The following CAMK1D variants were observed in gnomAD, a reference collection of about 807,000 sequenced individuals.
CAMK1D encodes the protein calcium/calmodulin dependent protein kinase ID.
Under a neutral mutation model 47.7 loss-of-function variants are expected in CAMK1D, and 9 were observed. That is an observed-to-expected ratio of 0.19 (90% CI 0.11 to 0.33). The LOEUF is 0.33. Ranked by LOEUF, CAMK1D falls within the 10% of genes least tolerant of loss-of-function variation. CAMK1D has a pLI of 1.00. For missense variants in CAMK1D, 291 were observed against 488.7 expected, an observed-to-expected ratio of 0.60 and a Z score of 3.81; for synonymous variants, 184 against 184.9, an observed-to-expected ratio of 0.99 and a Z score of 0.04.
intron 2 of CAMK1D, among the ~76,000 whole-genome samples, chr10:12,648,837 T>A (rs1328826339): frequency 6.6e-6 from 1 of 152,174 alleles, no homozygotes; most frequent in East Asian, 1.9e-4. Context: ...GGGGCTAGTG[T>A]TCATCTGAAG....
chr10:12,605,650 CA>C (rs1443279188), intron 2 of CAMK1D, among the ~76,000 whole-genome samples: 1 of 152,106 alleles, frequency 6.6e-6, no homozygotes, highest in African/African-American at 2.4e-5. Flanking sequence ...CAGGAGTGAG[CA>C]GGTGACAGTT....
intron 1 of CAMK1D, among the ~76,000 whole-genome samples, chr10:12,429,894 T>TGGTTAGCATCCTTTGGACACATGGGCTG (rs1840383167): frequency 6.6e-6 from 1 of 152,070 alleles, no homozygotes; most frequent in African/African-American, 2.4e-5. Context: ...TTAATGTACT[T>TGGTTAGCATCCTTTGGACACATGGGCTG]GGTTAGCATC....
intron 1 of CAMK1D, among the ~76,000 whole-genome samples, chr10:12,548,919 G>T (rs1299773128): frequency 6.6e-6 from 1 of 151,216 alleles, no homozygotes; most frequent in Non-Finnish European, 1.5e-5. Context: ...GCATAGGCGC[G>T]ATCTCAGCTC....
intron 2 of CAMK1D, among the ~76,000 whole-genome samples, chr10:12,627,824 T>G (rs1297108521): frequency 1.3e-5 from 2 of 152,162 alleles, no homozygotes; most frequent in Non-Finnish European, 2.9e-5. Flanking sequence ...CTCACGCCTG[T>G]AGTCCGAAAT....
Position 12,392,617 on chromosome 10 carries a change from G to A in CAMK1D, c.92+42707G>A, listed in dbSNP as rs182761532. On this transcript the variant is annotated intron_variant, in intron 1 of 10. Transcript: ENST00000619168. Reference sequence around the variant, plus strand: ...ACTGTGGAATGACTAAATTGATCTAGTTAATATATGTATTACTTAACATAC... The same window carrying A: ...ACTGTGGAATGACTAAATTGATCTAATTAATATATGTATTACTTAACATAC... Among the ~76,000 whole-genome samples, 4 of 152,190 alleles carry A rather than the reference G, an allele frequency of 2.6e-5. No individual in the cohort carries two copies. The East Asian group carries it at 7.7e-4, about 29-fold the overall frequency.
At chr10:12,432,489 G>A (rs553815951) in intron 1 of CAMK1D, among the ~76,000 whole-genome samples, 9 of 152,322 alleles carry the variant, frequency 5.9e-5, no homozygotes, top group Middle Eastern at 6.8e-3. Context: ...ATGAATGAGC[G>A]AATGGATGAG....
intron 1 of CAMK1D, among the ~76,000 whole-genome samples, chr10:12,412,926 C>T (rs1839714473): frequency 1.3e-5 from 2 of 152,076 alleles, no homozygotes; most frequent in African/African-American, 2.4e-5. Context: ...TGCGTTTTGC[C>T]ACTTGTCTTG....
chr10:12,597,695 C>T (rs1039026109), intron 2 of CAMK1D, among the ~76,000 whole-genome samples: 2 of 152,148 alleles, frequency 1.3e-5, no homozygotes, highest in African/African-American at 4.8e-5. Flanking sequence ...TTATTCAGAT[C>T]CTTGGCCAGT....
intron 2 of CAMK1D, among the ~76,000 whole-genome samples, chr10:12,558,111 T>C (rs1456065714): frequency 2.0e-5 from 3 of 152,232 alleles, no homozygotes; most frequent in African/African-American, 7.2e-5. Flanking sequence ...CATAAGCTAC[T>C]CTAGATAGAA....
At chr10:12,554,886 T>A (rs1317738011) in intron 2 of CAMK1D, among the ~76,000 whole-genome samples, 2 of 152,142 alleles carry the variant, frequency 1.3e-5, no homozygotes, top group Admixed American at 6.5e-5. Context: ...CCAGCGATGT[T>A]CTTTCATAAG....
chr10:12,419,578 G>A (rs545110635), intron 1 of CAMK1D, among the ~76,000 whole-genome samples: 1 of 151,734 alleles, frequency 6.6e-6, no homozygotes, highest in Admixed American at 6.6e-5. Context: ...ACTCCCCACC[G>A]GGCCTCAGTG....
At chr10:12,760,355 C>T (rs768287175) in intron 3 of CAMK1D, among the ~76,000 whole-genome samples, 5 of 152,172 alleles carry the variant, frequency 3.3e-5, no homozygotes, top group African/African-American at 7.2e-5. Flanking sequence ...TCATAAATCA[C>T]AAGTGGCTTT....
At chr10:12,646,665 C>T (rs907526570) in intron 2 of CAMK1D, among the ~76,000 whole-genome samples, 1 of 152,054 alleles carries the variant, frequency 6.6e-6, no homozygotes, top group African/African-American at 2.4e-5. Context: ...CGTGATTAGC[C>T]TGGTATCCTG....
At chr10:12,740,041 G>T (rs966214632) in intron 3 of CAMK1D, among the ~76,000 whole-genome samples, 15 of 152,140 alleles carry the variant, frequency 9.9e-5, no homozygotes, top group Admixed American at 9.8e-4. Context: ...GGTAGGAACC[G>T]AGTAGTTCCT....
intron 1 of CAMK1D, among the ~76,000 whole-genome samples, chr10:12,502,825 C>T (rs1312821491): frequency 2.0e-5 from 3 of 152,166 alleles, no homozygotes; most frequent in African/African-American, 4.8e-5. Flanking sequence ...GGTGTGCCTG[C>T]GACCCTGGAA....
chr10:12,718,836 C>T (rs1400235880), intron 3 of CAMK1D, among the ~76,000 whole-genome samples: 1 of 152,094 alleles, frequency 6.6e-6, no homozygotes, highest in Non-Finnish European at 1.5e-5. Flanking sequence ...GCACACCGTA[C>T]CTTATCAGTC....
intron 5 of CAMK1D, among the ~76,000 whole-genome samples, chr10:12,789,145 C>T (rs529109269): frequency 2.6e-5 from 4 of 152,302 alleles, no homozygotes; most frequent in South Asian, 2.1e-4. Context: ...GTCCAACCCC[C>T]GGAGGACAGC....
intron 3 of CAMK1D, among the ~76,000 whole-genome samples, chr10:12,731,230 T>A (rs1834866574): frequency 6.6e-6 from 1 of 152,128 alleles, no homozygotes; most frequent in Non-Finnish European, 1.5e-5. Context: ...CGTGCAAGAT[T>A]GGCTGTAGAA....
chr10:12,801,988 C>T (rs971859585), intron 6 of CAMK1D, among the ~76,000 whole-genome samples: 2 of 152,124 alleles, frequency 1.3e-5, no homozygotes, highest in Admixed American at 6.6e-5. Flanking sequence ...AGGAAAAAGT[C>T]GCCCTTTTTC....
Sources: gnomAD v4.1 joint callset for allele counts (sites outside exome capture counted in the v4.1 genomes callset) on GRCh38, gnomAD v4.1.1 for gene constraint, MANE v1.5 for transcripts, NCBI Gene and HGNC (gene_info 2026-07-23, HGNC 2026-07-21) for gene names.